PDXDC1: variants seen among roughly 807,000 people sequenced by gnomAD.
PDXDC1 encodes pyridoxal-dependent decarboxylase domain-containing protein 1.
Under a neutral mutation model 100.1 loss-of-function variants are expected in PDXDC1, and 42 were observed. The ratio of observed to expected loss-of-function variants is 0.42; its 90% CI spans 0.33 to 0.54. The LOEUF (loss-of-function observed/expected upper bound fraction) is 0.54. Ranked by LOEUF, PDXDC1 falls within the 20% of genes least tolerant of loss-of-function variation. PDXDC1 has a pLI of 0.10. For synonymous variants in PDXDC1, 260 were observed against 371.7 expected (o/e 0.70, Z 3.46); for missense variants, 636 against 979.2 (o/e 0.65, Z 4.68).
chr16:15,093,126 T>C (rs2046204918), intron 16 of PDXDC1, among the ~76,000 whole-genome samples: 1 of 152,076 alleles, frequency 6.6e-6, no homozygotes, highest in Admixed American at 6.5e-5. Context: ...TGCCTCAGCC[T>C]CCTGAGTAGC....
chr16:15,104,594 A>T lies in PDXDC1; in HGVS notation c.1400-34285A>T, dbSNP rs773852179. Reference sequence around the variant, plus strand: ...CTGAGGGTGGAAGGGGATAGAGCAGACACTCCGCAGGTGTCTTGAGGCTCA... The same window carrying T: ...CTGAGGGTGGAAGGGGATAGAGCAGTCACTCCGCAGGTGTCTTGAGGCTCA... On this transcript the variant is annotated intron_variant, in intron 16 of 16. Coordinates refer to the PDXDC1 transcript ENST00000535621. 5 of 1,599,534 alleles carry T rather than the reference A, an allele frequency of 3.1e-6. No homozygotes were observed. The South Asian group carries it at 5.5e-5, about 18-fold the overall frequency.
At position 15,060,010 on chromosome 16, in the gene PDXDC1, AC is replaced by A. The variant is rs1449078270; in HGVS notation, c.1399+29955del. ...AATACATTAAATTAAAAAAAAAAAAACAAAACAGAAATTGAAAGAACATGTA... is the reference window on the plus strand; with the variant it reads ...AATACATTAAATTAAAAAAAAAAAAAAAAACAGAAATTGAAAGAACATGTA... On this transcript the variant is annotated intron_variant, in intron 16 of 16. Coordinates refer to the PDXDC1 transcript ENST00000535621. The A allele has an allele frequency of 1.1e-3, 192 of 170,008 alleles. 1 individual carries two copies. The highest frequency in any genetic ancestry group is 2.1e-3 in the Admixed American group (31 of 14,986). 10.5% of individuals were successfully genotyped at this position (170,008 alleles called of 1,614,324 possible). A position where few individuals can be genotyped will look rare whatever the true frequency, so the allele number is the denominator to read the frequency against.
At chr16:14,988,481 G>C in intron 1 of PDXDC1, 1 of 1,613,992 alleles carries the variant, frequency 6.2e-7, no homozygotes. Flanking sequence ...GCAGGTGTGT[G>C]AGGTCGGTGG....
intron 21 of PDXDC1, among the ~76,000 whole-genome samples, chr16:15,034,809 C>T (rs986328101): frequency 2.0e-5 from 3 of 152,164 alleles, no homozygotes; most frequent in Non-Finnish European, 4.4e-5. Context: ...GAGGACACGC[C>T]CACTCAGCCG....
intron 16 of PDXDC1, chr16:15,062,057 T>C: frequency 1.4e-6 from 1 of 728,768 alleles, no homozygotes; most frequent in East Asian, 2.8e-5. Context: ...CACACGCCTG[T>C]AGTCCCAGCT....
intron 16 of PDXDC1, chr16:15,091,369 A>G (rs1161524053): frequency 6.3e-7 from 1 of 1,585,416 alleles, no homozygotes; most frequent in African/African-American, 1.3e-5. Flanking sequence ...CATTTGTTTC[A>G]CCCTTAACAA....
At chr16:15,133,662 C>G (rs1368057241) in intron 16 of PDXDC1, 14 of 1,544,226 alleles carry the variant, frequency 9.1e-6, no homozygotes, top group Middle Eastern at 2.3e-4. Flanking sequence ...AGCAGCAGGG[C>G]GTACACCAGC....
chr16:15,033,491 C>A, intron 19 of PDXDC1, 92 bp downstream of exon 19: 1 of 1,396,150 alleles, frequency 7.2e-7, no homozygotes, highest in Non-Finnish European at 1.0e-6. Flanking sequence ...CTTGGGATGT[C>A]TGTTCGTTGT....
At chr16:15,041,721 G>C, downstream of PDXDC1, 1 of 1,430,170 alleles carries the variant, frequency 7.0e-7, no homozygotes, top group Non-Finnish European at 9.9e-7. Flanking sequence ...AGTTCCTCTA[G>C]TTACCAGAAC....
intron 16 of PDXDC1, chr16:15,128,239 C>T (rs755431301): frequency 3.0e-5 from 48 of 1,611,232 alleles, no homozygotes; most frequent in Middle Eastern, 2.2e-4. Flanking sequence ...GTGCCACACT[C>T]GGATCTTCCA....
intron 16 of PDXDC1, chr16:15,083,565 A>G (rs752325148): frequency 1.9e-6 from 3 of 1,608,938 alleles, no homozygotes; most frequent in East Asian, 2.2e-5. Flanking sequence ...CAGTATTGGC[A>G]TGAGAAACCA....
At chr16:15,090,916 G>A (rs2377184) in intron 16 of PDXDC1, among the ~76,000 whole-genome samples, 1 of 145,610 alleles carries the variant, frequency 6.9e-6, no homozygotes, top group Non-Finnish European at 1.5e-5. Context: ...AAAGAGACAA[G>A]AGAGTTGCAT....
intron 12 of PDXDC1, 139 bp downstream of exon 12, chr16:15,019,104 A>C (rs1236776034): frequency 8.3e-6 from 10 of 1,199,706 alleles, no homozygotes; most frequent in Non-Finnish European, 1.2e-5. Flanking sequence ...ATCGCCCTGC[A>C]TGTAAATATT....
chr16:15,068,479 T>C (rs1597892527), intron 16 of PDXDC1, among the ~76,000 whole-genome samples: 1 of 152,182 alleles, frequency 6.6e-6, no homozygotes, highest in African/African-American at 2.4e-5. Flanking sequence ...CATTCATTGG[T>C]CACCAAGGCA....
At chr16:15,019,231 A>AT (rs1339289283) in intron 12 of PDXDC1, among the ~76,000 whole-genome samples, 1 of 152,272 alleles carries the variant, frequency 6.6e-6, no homozygotes, top group Admixed American at 6.5e-5. Context: ...GAAGTCACAG[A>AT]TGACTTCCAA....
At chr16:15,143,722 G>T (rs1296443202), downstream of PDXDC1, among the ~76,000 whole-genome samples, 3 of 152,234 alleles carry the variant, frequency 2.0e-5, no homozygotes, top group Non-Finnish European at 4.4e-5. Flanking sequence ...CTGGGTGTGG[G>T]GCAGCTCCCG....
intron 14 of PDXDC1, among the ~76,000 whole-genome samples, chr16:15,028,229 TAAC>T (rs1446271608): frequency 1.3e-5 from 2 of 152,282 alleles, no homozygotes; most frequent in Non-Finnish European, 2.9e-5. Flanking sequence ...CGCAAGGGCT[TAAC>T]ACTCGGCGTT....
intron 1 of PDXDC1, among the ~76,000 whole-genome samples, chr16:14,992,574 CAT>C (rs1215433164): frequency 6.6e-6 from 1 of 152,280 alleles, no homozygotes. Flanking sequence ...TGAGCCTTCT[CAT>C]AGTTAAAGTG....
intron 1 of PDXDC1, among the ~76,000 whole-genome samples, chr16:14,986,701 C>T (rs1253390658): frequency 6.6e-6 from 1 of 152,274 alleles, no homozygotes; most frequent in Non-Finnish European, 1.5e-5. Context: ...AGAAAATGTG[C>T]ATGTAGATAT....
Sources: allele counts gnomAD v4.1 joint callset (sites outside exome capture counted in the v4.1 genomes callset), GRCh38; gene constraint gnomAD v4.1.1; transcripts MANE v1.5; gene names NCBI Gene and HGNC (gene_info 2026-07-23, HGNC 2026-07-21).